Variants in SSH2 observed in about 807,000 individuals in gnomAD.
SSH2 encodes slingshot protein phosphatase 2.
SSH2 carries 37 observed loss-of-function variants against 135.2 expected under a neutral mutation model. The observed-to-expected ratio is 0.27, with a 90% CI of 0.21 to 0.36. The LOEUF (loss-of-function observed/expected upper bound fraction) is 0.36, where lower values mean the gene tolerates loss of function less well. Among genes scored for constraint, SSH2 ranks in the 10% least tolerant of loss-of-function variants. The pLI, the probability that SSH2 is intolerant of heterozygous loss-of-function variation, is 1.00. For synonymous variants in SSH2, 628 were observed against 646.2 expected, an observed-to-expected ratio of 0.97 and a Z score of 0.43; for missense variants, 1,408 against 1,765.3, an observed-to-expected ratio of 0.80 and a Z score of 3.63.
chr17:29,648,696 C>T (rs919646305), intron 13 of SSH2, among the ~76,000 whole-genome samples: 2 of 152,306 alleles, frequency 1.3e-5, no homozygotes, highest in Admixed American at 6.5e-5. Context: ...GAGAAACATA[C>T]AATTAAAATG....
chr17:29,652,108 C>T (rs888007278), intron 12 of SSH2, among the ~76,000 whole-genome samples: 2 of 152,090 alleles, frequency 1.3e-5, no homozygotes, highest in Non-Finnish European at 2.9e-5. Flanking sequence ...CGCCATTGCA[C>T]TCCAGTCTGG....
At chr17:29,859,152 C>T (rs2065715779) in intron 1 of SSH2, among the ~76,000 whole-genome samples, 1 of 152,062 alleles carries the variant, frequency 6.6e-6, no homozygotes, top group Non-Finnish European at 1.5e-5. Context: ...ATTTCTTTGC[C>T]TTTTCTAGCA....
intron 12 of SSH2, among the ~76,000 whole-genome samples, chr17:29,653,739 A>G (rs2036674041): frequency 6.6e-6 from 1 of 152,130 alleles, no homozygotes; most frequent in East Asian, 1.9e-4. Flanking sequence ...GGTGCCTGCC[A>G]TCACACCTAG....
chr17:29,901,548 T>C (rs1296844700), intron 1 of SSH2, among the ~76,000 whole-genome samples: 1 of 152,214 alleles, frequency 6.6e-6, no homozygotes, highest in Non-Finnish European at 1.5e-5. Context: ...TATAGGTTTG[T>C]TGAGTCTAAC....
chr17:29,706,711 G>T lies in SSH2; in HGVS notation c.189-3649C>A, dbSNP rs140600036. ...TACCTATTCACCAGGCAAAGTAACA[G>T]CTTTGGACACTGTGGGTTCCAGTAA... On this transcript the variant is annotated intron_variant, in intron 3 of 15. Transcript: ENST00000540801. 9.8e-4 allele frequency among the ~76,000 whole-genome samples: 150 copies of T among 152,318 alleles called. 2 individuals are homozygous for T. The Middle Eastern group carries it at 0.01, about 10-fold the overall frequency.
rs116476210 is a variant in SSH2 at position 29,684,071 on chromosome 17, G to A, written c.479+492C>T. ...GAATAATGGTAAATTGGAAACACAC[G>A]ACCAAAGACATTCACTAAACATTCT... On this transcript the variant is annotated intron_variant, in intron 6 of 15. Coordinates refer to ENST00000540801, the MANE Select transcript of SSH2 (RefSeq NM_001282129.2). Among the ~76,000 whole-genome samples, 306 of 152,270 alleles carry A rather than the reference G, an allele frequency of 2.0e-3. 1 individual carries two copies. Among genetic ancestry groups the A allele is most frequent in the African/African-American group, 7.1e-3 (294 of 41,564 alleles).
At chr17:29,815,888 G>T (rs901567374) in intron 2 of SSH2, among the ~76,000 whole-genome samples, 1 of 151,434 alleles carries the variant, frequency 6.6e-6, no homozygotes, top group Admixed American at 6.6e-5. Context: ...TCGCTCTGTT[G>T]CCCAGGCTGG....
intron 3 of SSH2, among the ~76,000 whole-genome samples, chr17:29,728,042 G>A (rs1017719773): frequency 1.1e-4 from 16 of 152,020 alleles, no homozygotes; most frequent in Admixed American, 9.2e-4. Context: ...TTAGCTGGGC[G>A]TGGTCTCAAA....
chr17:29,730,240 T>G (rs2040134338), intron 3 of SSH2, among the ~76,000 whole-genome samples: 2 of 150,960 alleles, frequency 1.3e-5, no homozygotes, highest in South Asian at 4.2e-4. Flanking sequence ...GAGGACTGCT[T>G]GAACCCAGGA....
chr17:29,738,977 T>C (rs1156427084), intron 3 of SSH2, among the ~76,000 whole-genome samples: 1 of 152,202 alleles, frequency 6.6e-6, no homozygotes, highest in Non-Finnish European at 1.5e-5. Flanking sequence ...TAATGTGGTA[T>C]ACATATATTT....
chr17:29,899,159 C>A (rs970510694), intron 1 of SSH2, among the ~76,000 whole-genome samples: 3 of 151,844 alleles, frequency 2.0e-5, no homozygotes, highest in African/African-American at 7.3e-5. Flanking sequence ...ATGACAAACC[C>A]ACAGCCAATA....
intron 2 of SSH2, among the ~76,000 whole-genome samples, chr17:29,813,399 C>A (rs953839904): frequency 6.6e-6 from 1 of 151,574 alleles, no homozygotes; most frequent in Non-Finnish European, 1.5e-5. Context: ...AGACTAGAAG[C>A]AGATAATTCA....
At chr17:29,670,040 C>A (rs2037430279) in intron 9 of SSH2, among the ~76,000 whole-genome samples, 1 of 151,968 alleles carries the variant, frequency 6.6e-6, no homozygotes, top group Non-Finnish European at 1.5e-5. Flanking sequence ...TGCCACCATG[C>A]CTGGCTAATT....
chr17:29,637,909 T>C (rs1014288185), intron 14 of SSH2, among the ~76,000 whole-genome samples: 1 of 151,400 alleles, frequency 6.6e-6, no homozygotes, highest in South Asian at 2.1e-4. Context: ...AGGTCAGGAG[T>C]TCGAGACCAG....
intron 3 of SSH2, among the ~76,000 whole-genome samples, chr17:29,746,502 C>CAT (rs1428244180): frequency 3.3e-5 from 4 of 120,502 alleles, no homozygotes; most frequent in South Asian, 2.8e-4. Flanking sequence ...GAGCCAAGAT[C>CAT]ATACCACTGC....
intron 2 of SSH2, among the ~76,000 whole-genome samples, chr17:29,804,406 C>T (rs1184927526): frequency 1.3e-5 from 2 of 152,104 alleles, no homozygotes; most frequent in Non-Finnish European, 1.5e-5. Flanking sequence ...GCTGAAATAG[C>T]TTTGATTCTA....
chr17:29,666,371 T>G (rs1450360162), intron 11 of SSH2, among the ~76,000 whole-genome samples: 2 of 149,156 alleles, frequency 1.3e-5, no homozygotes, highest in East Asian at 4.0e-4. Flanking sequence ...GAGACCCTGT[T>G]TCAAAAATAA....
At chr17:29,864,499 A>G (rs1333870728) in intron 1 of SSH2, among the ~76,000 whole-genome samples, 1 of 151,794 alleles carries the variant, frequency 6.6e-6, no homozygotes, top group Admixed American at 6.6e-5. Flanking sequence ...TAAGTCTTCT[A>G]TTGCAACTAA....
At position 29,671,938 on chromosome 17, in the gene SSH2, T is replaced by C; in HGVS notation, c.806A>G (p.Asp269Gly). 1 of 1,611,956 alleles carries C rather than the reference T, an allele frequency of 6.2e-7. No individual in the cohort carries two copies. Among genetic ancestry groups the C allele is most frequent in the Non-Finnish European group, 8.5e-7 (1 of 1,178,472 alleles). Residue 269 changes from aspartate to glycine, a missense_variant, in exon 9 of 16, where the codon GAC becomes GGC. Asp to Gly is a moderately conservative substitution (Grantham distance 94). Around this residue, in one of 3 missense-constraint regions of SSH2, gnomAD observed 222 missense variants for 355.6 expected, o/e 0.62. Coordinates refer to ENST00000540801, the MANE Select transcript of SSH2 (RefSeq NM_001282129.2). Reference sequence around the variant, plus strand: ...AATCCTTAGCAAACTGACTTACATGTCGGTGAAGAGAGCTGGAGAGTCGGG... The same window carrying C: ...AATCCTTAGCAAACTGACTTACATGCCGGTGAAGAGAGCTGGAGAGTCGGG... Reference protein sequence around the residue: ...HRPDSPALFTDIPTERERTER... With the variant: ...HRPDSPALFTGIPTERERTER...
Sources: allele counts gnomAD v4.1 joint callset (sites outside exome capture counted in the v4.1 genomes callset), GRCh38; gene constraint gnomAD v4.1.1; regional missense constraint gnomAD v4.1.1; transcripts MANE v1.5; gene names NCBI Gene and HGNC (gene_info 2026-07-23, HGNC 2026-07-21).